MASP1: variants seen among roughly 807,000 people sequenced by gnomAD.
MASP1 encodes the protein mannan-binding lectin serine protease 1.
Under a neutral mutation model 77.1 loss-of-function variants are expected in MASP1, and 59 were observed. That is an observed-to-expected ratio of 0.77 (90% CI 0.62 to 0.95). The LOEUF is 0.95. Among genes scored for constraint, MASP1 ranks in the 40% least tolerant of loss-of-function variants. MASP1 has a pLI of 0.00. For synonymous variants in MASP1, 362 were observed against 354.5 expected, an observed-to-expected ratio of 1.02 and a Z score of -0.24; for missense variants, 885 against 912.9, an observed-to-expected ratio of 0.97 and a Z score of 0.39.
chr3:187,236,249 A>G lies in MASP1; in HGVS notation c.1622T>C (p.Leu541Pro). 2 of 1,614,210 alleles carry G rather than the reference A, an allele frequency of 1.2e-6. No homozygotes were observed. The highest frequency in any genetic ancestry group is 1.1e-5 in the South Asian group (1 of 91,076). Residue 541 changes from leucine to proline, a missense_variant, in exon 11 of 11, where the codon CTC (leucine) becomes CCC (proline). Leu to Pro is a moderately conservative substitution (Grantham distance 98). Coordinates refer to ENST00000296280, the MANE Select transcript of MASP1 (RefSeq NM_139125.4). ...AVNSSAARVV[L>P]HPDFNIQNYN... Reference sequence around the variant, plus strand: ...GTTTTGGATGTTGAAGTCTGGGTGGAGCACCACTCGGGCAGCTGAGCTGTT... The same window carrying G: ...GTTTTGGATGTTGAAGTCTGGGTGGGGCACCACTCGGGCAGCTGAGCTGTT...
At chr3:187,284,985 G>C (rs1717727648) in intron 2 of MASP1, among the ~76,000 whole-genome samples, 3 of 152,164 alleles carry the variant, frequency 2.0e-5, no homozygotes, top group South Asian at 4.1e-4. Context: ...AAATGCTCTA[G>C]AGTTGTTTGA....
At chr3:187,242,906 CCTGGGGAGACAGAGGAT>C (rs1475862967) in intron 9 of MASP1, 1 of 178,286 alleles carries the variant, frequency 5.6e-6, no homozygotes. Flanking sequence ...TGCTGGGCTA[CCTGGGGAGACAGAGGAT>C]CCACTCCTCG....
intron 9 of MASP1, chr3:187,243,244 G>A (rs1038309626): frequency 2.2e-5 from 12 of 536,488 alleles, no homozygotes; most frequent in Non-Finnish European, 3.7e-5. Context: ...TAGCTTTAAA[G>A]TTAAAAACAA....
At chr3:187,241,746 C>T in intron 9 of MASP1, 191 bp from the exon 10 acceptor site, 1 of 552,202 alleles carries the variant, frequency 1.8e-6, no homozygotes, top group South Asian at 1.9e-5. Context: ...GTGGCAGGTA[C>T]TCTCTGGGAT....
In MASP1 at chr3:187,278,277, A is replaced by G. The variant is rs140963778; in HGVS notation, c.237+7548T>C. ...TTTGAGCTCCCAACCACTGAGCACA[A>G]CTGCGTTTTGCAGTACTGATTCCAC... On this transcript the variant is annotated intron_variant, in intron 2 of 10. Transcript: ENST00000296280. Among the ~76,000 whole-genome samples the G allele has an allele frequency of 9.9e-3, 1,502 of 152,340 alleles. 21 individuals carry two copies. Among genetic ancestry groups the G allele is most frequent in the African/African-American group, 0.034 (1,426 of 41,586 alleles).
At chr3:187,284,671 T>C (rs545011753) in intron 2 of MASP1, among the ~76,000 whole-genome samples, 1 of 152,256 alleles carries the variant, frequency 6.6e-6, no homozygotes, top group Non-Finnish European at 1.5e-5. Flanking sequence ...AGTTGTTTGG[T>C]GTAGACAAAA....
downstream of MASP1, chr3:187,229,815 C>A (rs1345259800): frequency 1.2e-6 from 2 of 1,614,152 alleles, no homozygotes; most frequent in African/African-American, 1.3e-5. Flanking sequence ...GCATGGCAAT[C>A]CAGGGAGTGG....
chr3:187,240,704 T>C (rs1260341237), intron 10 of MASP1, among the ~76,000 whole-genome samples: 1 of 152,202 alleles, frequency 6.6e-6, no homozygotes, highest in Non-Finnish European at 1.5e-5. Context: ...CAATCTCAGC[T>C]CACTGTAGCC....
chr3:187,283,571 GAGA>G (rs1264782503), intron 2 of MASP1, among the ~76,000 whole-genome samples: 1 of 152,170 alleles, frequency 6.6e-6, no homozygotes, highest in Non-Finnish European at 1.5e-5. Flanking sequence ...GGCAAATTAT[GAGA>G]AGAAGTCATC....
At chr3:187,272,619 G>C (rs896478820) in intron 2 of MASP1, among the ~76,000 whole-genome samples, 1 of 152,156 alleles carries the variant, frequency 6.6e-6, no homozygotes, top group Non-Finnish European at 1.5e-5. Flanking sequence ...GCCATGTGAA[G>C]ACAGAGGCAG....
chr3:187,286,490 A>T (rs946779368), intron 1 of MASP1, among the ~76,000 whole-genome samples: 8 of 152,228 alleles, frequency 5.3e-5, no homozygotes, highest in African/African-American at 1.9e-4. Flanking sequence ...CCTTAAACAG[A>T]TTTAACGTTG....
chr3:187,235,511 T>C lies in MASP1; in HGVS notation c.*173A>G, dbSNP rs1310942200. On this transcript the variant is annotated 3_prime_UTR_variant, in exon 11 of 11. Transcript: ENST00000296280. ...ACACAGGTCTCCTGCCTGGAGCCTT[T>C]TCCCTATACCACACTCTGCCTCTCA... 1.8e-5 allele frequency: 27 copies of C among 1,529,402 alleles called. No homozygotes were observed. Among genetic ancestry groups the C allele is most frequent in the Non-Finnish European group, 2.3e-5 (26 of 1,144,126 alleles). The allele number at this position is 1,529,402 out of a possible 1,614,324, so 94.7% of individuals were successfully genotyped here. A position where few individuals can be genotyped will look rare whatever the true frequency, so the allele number is the denominator to read the frequency against.
intron 8 of MASP1, 130 bp from the exon 9 acceptor site, chr3:187,243,751 C>A: frequency 1.8e-6 from 2 of 1,135,990 alleles, no homozygotes; most frequent in South Asian, 1.2e-5. Flanking sequence ...GTTATAATGC[C>A]TCTGAAGGGC....
rs1453223805 is a variant in MASP1 at position 187,236,537 on chromosome 3, C to T, written c.1334G>A (p.Ser445Asn). Residue 445 changes from serine to asparagine, a missense_variant, in exon 11 of 11, where the codon AGC becomes AAC. Transcript: ENST00000296280. ...ECGQPSRSLP[S>N]LVKRIIGGRN... is the part of the protein sequence containing the mutation. ...GCCCCCAATGATCCTCTTGACCAGG[C>T]TTGGCAGGGAGCGGGAGGGCTGACC... is the stretch of plus-strand genomic sequence containing the variant. The T allele has an allele frequency of 6.2e-7, 1 of 1,614,018 alleles. No homozygotes were observed.
exon 16 of MASP1, chr3:187,220,243 G>A (rs536677365): frequency 9.9e-6 from 16 of 1,613,916 alleles, no homozygotes; most frequent in African/African-American, 4.0e-5. Flanking sequence ...AGAGTCACCC[G>A]CACAGGCGTC....
intron 2 of MASP1, among the ~76,000 whole-genome samples, 157 bp downstream of exon 2, chr3:187,285,668 G>T (rs1717786851): frequency 6.6e-6 from 1 of 152,074 alleles, no homozygotes; most frequent in Admixed American, 6.5e-5. Flanking sequence ...CTACCCATCA[G>T]CTTGCACTTA....
chr3:187,220,496 C>CTTTTTTTTTTTTTTTTTT (rs376566294), intron 15 of MASP1, among the ~76,000 whole-genome samples: 4 of 127,766 alleles, frequency 3.1e-5, no homozygotes, highest in African/African-American at 6.1e-5. Flanking sequence ...TTTTTTCTTT[C>CTTTTTTTTTTTTTTTTTT]TTTTTTTTTT....
In MASP1 at chr3:187,236,601, C is replaced by T. The variant is rs574313343; in HGVS notation, c.1304-34G>A. On this transcript the variant is annotated intron_variant, in intron 10 of 10. Transcript: ENST00000296280. ...AGAAAGAGGGAGCAGGGACAAGAGA[C>T]AGAGACTGGTCAGGTCAGCCATGTG... The T allele has an allele frequency of 1.9e-6, 3 of 1,613,334 alleles. No homozygotes were observed. In the African/African-American group the frequency reaches 4.0e-5, roughly 21 times the overall value.
At chr3:187,231,768 C>A (rs371886638), downstream of MASP1, among the ~76,000 whole-genome samples, 51 of 152,264 alleles carry the variant, frequency 3.3e-4, no homozygotes, top group Middle Eastern at 3.4e-3. Flanking sequence ...TCTGGTAAGA[C>A]GGACTTTCAT....
Sources: allele counts gnomAD v4.1 joint callset (sites outside exome capture counted in the v4.1 genomes callset), GRCh38; gene constraint gnomAD v4.1.1; transcripts MANE v1.5; gene names NCBI Gene and HGNC (gene_info 2026-07-23, HGNC 2026-07-21).